The following MKNK1 variants were observed in gnomAD, a reference collection of about 807,000 sequenced individuals.
MKNK1 encodes the protein MAPK interacting serine/threonine kinase 1.
A neutral mutation model predicts 49.3 loss-of-function variants in MKNK1; 30 were observed. The ratio of observed to expected loss-of-function variants is 0.61; its 90% confidence interval spans 0.46 to 0.83. The LOEUF is 0.83. Ranked by LOEUF, MKNK1 falls within the 40% of genes least tolerant of loss-of-function variation. MKNK1 has a pLI of 0.00. For synonymous variants in MKNK1, 176 were observed against 201.7 expected, an observed-to-expected ratio of 0.87 and a Z score of 1.08; for missense variants, 423 against 524.7, an observed-to-expected ratio of 0.81 and a Z score of 1.89.
rs780399079 is a variant in MKNK1, at chr1:46,571,485, G to A, written c.457+578C>T. ...GGAGCCCAGGGAGGTTGGGGCTGCA[G>A]TGAGCCCTGATGGCGCCATAGCACT... On this transcript the variant is annotated intron_variant, in intron 7 of 12. Transcript: ENST00000371945. 2.3e-4 allele frequency: 94 copies of A among 406,408 alleles called. 2 individuals carry two copies. Among genetic ancestry groups the A allele is most frequent in the South Asian group, 1.6e-3 (94 of 57,014 alleles). The allele number at this position is 406,408 out of a possible 1,614,324, so 25.2% of individuals were successfully genotyped here.
chr1:46,593,323 C>T (rs1016863096), intron 2 of MKNK1, among the ~76,000 whole-genome samples: 4 of 152,176 alleles, frequency 2.6e-5, no homozygotes, highest in African/African-American at 9.7e-5. Context: ...CTCAGCCTCC[C>T]AAGTAGCTGG....
chr1:46,569,920 A>G (rs952603445), intron 7 of MKNK1: 57 of 152,374 alleles, frequency 3.7e-4, no homozygotes, highest in African/African-American at 1.3e-3. Context: ...GCCAGGCTGT[A>G]ATAATGGGGC....
At chr1:46,596,392 C>A (rs1196319725) in intron 1 of MKNK1, among the ~76,000 whole-genome samples, 3 of 152,212 alleles carry the variant, frequency 2.0e-5, no homozygotes, top group African/African-American at 7.2e-5. Context: ...TAGTTTGCAT[C>A]CACACTAAAA....
intron 11 of MKNK1, among the ~76,000 whole-genome samples, chr1:46,561,141 T>G (rs1054016257): frequency 6.6e-6 from 1 of 152,208 alleles, no homozygotes; most frequent in African/African-American, 2.4e-5. Context: ...CTTCTGGGTG[T>G]CCTCAGCTAA....
chr1:46,596,040 G>A (rs907824827), intron 1 of MKNK1, among the ~76,000 whole-genome samples: 4 of 152,338 alleles, frequency 2.6e-5, no homozygotes, highest in Middle Eastern at 3.4e-3. Flanking sequence ...GAGCCACCAC[G>A]CCTGGCCTTG....
chr1:46,564,138 C>T (rs1668578301), intron 9 of MKNK1, among the ~76,000 whole-genome samples: 1 of 146,912 alleles, frequency 6.8e-6, no homozygotes, highest in Non-Finnish European at 1.5e-5. Context: ...ATTAGTTATA[C>T]AAGAGATGTT....
intron 12 of MKNK1, among the ~76,000 whole-genome samples, chr1:46,559,969 A>T (rs1176010305): frequency 6.6e-6 from 1 of 152,164 alleles, no homozygotes; most frequent in Non-Finnish European, 1.5e-5. Flanking sequence ...TTACAGTTCA[A>T]TGGGCAAAAC....
At chr1:46,576,545 G>A in intron 5 of MKNK1, 30 bp downstream of exon 5, 1 of 1,588,954 alleles carries the variant, frequency 6.3e-7, no homozygotes, top group South Asian at 1.1e-5. Flanking sequence ...CGTCCCCCCA[G>A]AGAAGCAGCG....
rs368360599 is a variant in MKNK1, at chr1:46,576,098, G to C, written c.278+477C>G. 251 of 156,524 alleles carry C rather than the reference G, an allele frequency of 1.6e-3. 6 individuals carry two copies. The South Asian group carries it at 0.027, about 17-fold the overall frequency. 9.7% of individuals were successfully genotyped at this position (156,524 alleles called of 1,614,324 possible). On this transcript the variant is annotated intron_variant, in intron 5 of 12. Transcript: ENST00000371945. ...TGGTGGGCAGAATGAACTGGGGCTAGAGATGAGCCGGACCCAGCTATCTGG... is the reference window on the plus strand; with the variant it reads ...TGGTGGGCAGAATGAACTGGGGCTACAGATGAGCCGGACCCAGCTATCTGG...
At chr1:46,581,467 G>A (rs970235856) in intron 3 of MKNK1, among the ~76,000 whole-genome samples, 1 of 130,614 alleles carries the variant, frequency 7.7e-6, no homozygotes, top group East Asian at 2.4e-4. Context: ...CCAAGATCGT[G>A]CCACTGCACT....
intron 2 of MKNK1, chr1:46,585,641 C>G (rs1672451907): frequency 5.7e-6 from 2 of 352,812 alleles, no homozygotes; most frequent in Admixed American, 7.4e-5. Flanking sequence ...ACAAGCAAAA[C>G]AGCCAAAAGA....
chr1:46,576,198 A>T, intron 5 of MKNK1: 1 of 224,396 alleles, frequency 4.5e-6, no homozygotes, highest in Non-Finnish European at 8.9e-6. Context: ...AATATTCTTA[A>T]CAGTTCTCCT....
At chr1:46,585,042 GA>G (rs1375323289) in intron 2 of MKNK1, among the ~76,000 whole-genome samples, 2 of 151,928 alleles carry the variant, frequency 1.3e-5, no homozygotes, top group Non-Finnish European at 2.9e-5. Context: ...CTTGAGGTCA[GA>G]AGTTCGAGAC....
Position 46,565,074 on chromosome 1 carries a change from A to G in MKNK1, c.576T>C (p.Cys192=). 6.2e-7 allele frequency: 1 copy of G among 1,614,204 alleles called. No individual in the cohort carries two copies. Among genetic ancestry groups the G allele is most frequent in the East Asian group, 2.2e-5 (1 of 44,890 alleles). The change falls in exon 9 of 13, where the codon TGT becomes TGC. Residue 192 remains cysteine, a synonymous_variant. Transcript: ENST00000371945. ...LGSGMKLNNS[C]TPITTPELTT... The stretch of plus-strand genomic sequence containing the variant: ...TCAGCTCTGGTGTGGTTATGGGGGT[A>G]CAGGAGTTGTTCAGTTTCATCCCAC...
At position 46,589,992 on chromosome 1, in the gene MKNK1, C is replaced by T. The variant is rs1343798225; in HGVS notation, c.-3+4121G>A. On this transcript the variant is annotated intron_variant, in intron 2 of 12. Coordinates refer to ENST00000371945, the MANE Select transcript of MKNK1 (RefSeq NM_001135553.4). The surrounding 1 kb of genome is among the most constrained non-coding windows in gnomAD (Gnocchi z 4.3). ...AGCTCAGCTCTGCAAACTTAGCTCA[C>T]ACTCCTCTCCCAACCACTTCAGAAT... Among the ~76,000 whole-genome samples the T allele has an allele frequency of 3.3e-5, 5 of 151,380 alleles. No individual in the cohort carries two copies. The highest frequency in any genetic ancestry group is 7.4e-5 in the Non-Finnish European group (5 of 67,972).
chr1:46,561,706 G>C, intron 10 of MKNK1, 64 bp from the exon 11 acceptor site: 4 of 1,567,946 alleles, frequency 2.6e-6, no homozygotes, highest in Non-Finnish European at 3.5e-6. Context: ...GCCTGTCATT[G>C]TTTTGATCAA....
intron 1 of MKNK1, among the ~76,000 whole-genome samples, chr1:46,598,354 T>G (rs922782112): frequency 6.6e-5 from 10 of 152,190 alleles, no homozygotes; most frequent in Middle Eastern, 3.2e-3. Flanking sequence ...CCACTGATTT[T>G]TATTGACCCA....
intron 1 of MKNK1, among the ~76,000 whole-genome samples, chr1:46,597,518 G>A (rs1405420764): frequency 1.3e-5 from 2 of 152,088 alleles, no homozygotes; most frequent in South Asian, 2.1e-4. Flanking sequence ...TGTCACTCAC[G>A]GCCTCCATCA....
At chr1:46,571,198 C>A (rs565288836) in intron 7 of MKNK1, among the ~76,000 whole-genome samples, 1 of 152,194 alleles carries the variant, frequency 6.6e-6, no homozygotes, top group East Asian at 1.9e-4. Context: ...ATACTAGTAA[C>A]CTGTGAGTTA....
Sources: allele counts gnomAD v4.1 joint callset (sites outside exome capture counted in the v4.1 genomes callset), GRCh38; gene constraint gnomAD v4.1.1; non-coding constraint Gnocchi (gnomAD v3.1); transcripts MANE v1.5; gene names NCBI Gene and HGNC (gene_info 2026-07-23, HGNC 2026-07-21).